The following FAR2 variants were observed in gnomAD, a reference collection of about 807,000 sequenced individuals.
FAR2 encodes epididymis secretory protein Li 81.
In FAR2, 19 loss-of-function variants were observed where a neutral mutation model predicts 56.0. The observed-to-expected ratio is 0.34, with a 90% CI of 0.24 to 0.50. The LOEUF is 0.50. FAR2 is among the 20% of genes least tolerant of loss of function. The pLI, the probability that FAR2 is intolerant of heterozygous loss-of-function variation, is 0.98. For missense variants in FAR2, 508 were observed against 642.2 expected (o/e 0.79, Z 2.26); for synonymous variants, 219 against 218.8 (o/e 1.00, Z -0.01).
At chr12:29,166,026 G>A (rs972380564) in intron 1 of FAR2, among the ~76,000 whole-genome samples, 9 of 152,188 alleles carry the variant, frequency 5.9e-5, no homozygotes, top group Admixed American at 1.3e-4. Flanking sequence ...CACTAACAGC[G>A]GCCTTAGCCA....
chr12:29,302,401 A>C (rs549938276), intron 4 of FAR2, among the ~76,000 whole-genome samples: 120 of 152,216 alleles, frequency 7.9e-4, no homozygotes, highest in African/African-American at 2.7e-3. Flanking sequence ...ATATGAGAAG[A>C]CTTGGAAGAG....
At position 29,253,274 on chromosome 12, in the gene FAR2, T is replaced by TATATCA. The variant is rs767977371; in HGVS notation, c.-38-17133_-38-17132insAATATC. ...CGATATCTATCTAGATAGATATCTA[T>TATATCA]ATATCGATATCTATATCTATCTAGA... is the stretch of plus-strand genomic sequence containing the variant. On this transcript the variant is annotated intron_variant, in intron 1 of 11. Coordinates refer to ENST00000536681, the MANE Select transcript of FAR2 (RefSeq NM_001271783.2). Among the ~76,000 whole-genome samples, 2 of 16,972 alleles carry TATATCA rather than the reference T, an allele frequency of 1.2e-4. 1 individual carries two copies. Among genetic ancestry groups the TATATCA allele is most frequent in the Non-Finnish European group, 3.0e-4 (2 of 6,664 alleles). The allele number at this position is 16,972 out of a possible 152,430, so 11.1% of individuals were successfully genotyped here. A position where few individuals can be genotyped will look rare whatever the true frequency, so the allele number is the denominator to read the frequency against.
intron 9 of FAR2, among the ~76,000 whole-genome samples, chr12:29,319,706 A>T (rs1234151402): frequency 6.6e-6 from 1 of 152,218 alleles, no homozygotes; most frequent in Non-Finnish European, 1.5e-5. Context: ...TTTAGCCATT[A>T]GAGCCCTAAA....
chr12:29,244,341 A>C (rs935428467), intron 1 of FAR2, among the ~76,000 whole-genome samples: 6 of 152,318 alleles, frequency 3.9e-5, no homozygotes, highest in South Asian at 2.1e-4. Context: ...GTAGCTTCTT[A>C]TTAGTGTCAG....
chr12:29,289,120 A>C (rs1948920261), intron 2 of FAR2, among the ~76,000 whole-genome samples: 1 of 152,202 alleles, frequency 6.6e-6, no homozygotes, highest in Non-Finnish European at 1.5e-5. Flanking sequence ...TACCATCCAA[A>C]GCAGTGTACA....
At chr12:29,290,853 G>T (rs1948953216) in intron 2 of FAR2, among the ~76,000 whole-genome samples, 1 of 152,172 alleles carries the variant, frequency 6.6e-6, no homozygotes, top group Non-Finnish European at 1.5e-5. Context: ...CCAGAGGCTG[G>T]GAAGGCAAGT....
At chr12:29,284,384 G>A (rs1948836845) in intron 2 of FAR2, among the ~76,000 whole-genome samples, 1 of 152,116 alleles carries the variant, frequency 6.6e-6, no homozygotes, top group Admixed American at 6.5e-5. Flanking sequence ...TTTTAGAGAG[G>A]GACTATCTTG....
intron 8 of FAR2, among the ~76,000 whole-genome samples, chr12:29,315,298 G>A (rs1949427939): frequency 6.6e-6 from 1 of 152,128 alleles, no homozygotes; most frequent in African/African-American, 2.4e-5. Context: ...CAGCAAGGAG[G>A]CCAGTATGGC....
chr12:29,264,482 C>G (rs1434005574), intron 1 of FAR2, among the ~76,000 whole-genome samples: 1 of 151,842 alleles, frequency 6.6e-6, no homozygotes, highest in African/African-American at 2.4e-5. Context: ...AGTAATCAGA[C>G]AAGAGAAATA....
intron 2 of FAR2, among the ~76,000 whole-genome samples, chr12:29,274,545 T>C (rs1948674327): frequency 6.6e-6 from 1 of 152,120 alleles, no homozygotes; most frequent in South Asian, 2.1e-4. Flanking sequence ...TTATAATCCT[T>C]TGGGTATTGT....
At chr12:29,259,194 G>T (rs1948376587) in intron 1 of FAR2, among the ~76,000 whole-genome samples, 1 of 152,182 alleles carries the variant, frequency 6.6e-6, no homozygotes, top group African/African-American at 2.4e-5. Flanking sequence ...AGCAAAGCCT[G>T]GAGAAATTTT....
intron 4 of FAR2, among the ~76,000 whole-genome samples, chr12:29,305,772 G>C (rs931305690): frequency 6.6e-6 from 1 of 152,130 alleles, no homozygotes; most frequent in Admixed American, 6.5e-5. Context: ...GCAGAGGCAA[G>C]TCATCTATAG....
At chr12:29,217,019 A>C (rs556469515) in intron 1 of FAR2, among the ~76,000 whole-genome samples, 1 of 152,316 alleles carries the variant, frequency 6.6e-6, no homozygotes, top group South Asian at 2.1e-4. Flanking sequence ...CTAAAAGAAA[A>C]TGACACATTT....
intron 5 of FAR2, among the ~76,000 whole-genome samples, chr12:29,308,699 C>T (rs969947622): frequency 3.3e-4 from 19 of 56,772 alleles, no homozygotes; most frequent in Non-Finnish European, 6.1e-4. Flanking sequence ...GACACACACA[C>T]ACACACACAC....
At chr12:29,260,792 G>A (rs541622958) in intron 1 of FAR2, among the ~76,000 whole-genome samples, 1 of 152,320 alleles carries the variant, frequency 6.6e-6, no homozygotes, top group East Asian at 1.9e-4. Context: ...GACAGGCTCA[G>A]TTTGTTTGGG....
chr12:29,156,112 G>C (rs954812224), intron 1 of FAR2, among the ~76,000 whole-genome samples: 22 of 152,062 alleles, frequency 1.4e-4, no homozygotes, highest in African/African-American at 5.1e-4. Flanking sequence ...TGGGGAGGTG[G>C]GGGGAAGTTA....
intron 8 of FAR2, among the ~76,000 whole-genome samples, chr12:29,313,446 G>A (rs1949386603): frequency 6.6e-6 from 1 of 152,068 alleles, no homozygotes; most frequent in Admixed American, 6.5e-5. Context: ...GTTTAATTCA[G>A]TTTGCTAATA....
chr12:29,185,642 A>G (rs1328693033), intron 1 of FAR2, among the ~76,000 whole-genome samples: 1 of 152,240 alleles, frequency 6.6e-6, no homozygotes, highest in Non-Finnish European at 1.5e-5. Context: ...AATCATAAAA[A>G]TTCAGCAGTG....
At chr12:29,316,309 A>C (rs1419465197) in intron 8 of FAR2, among the ~76,000 whole-genome samples, 1 of 152,260 alleles carries the variant, frequency 6.6e-6, no homozygotes, top group Non-Finnish European at 1.5e-5. Context: ...TGGATACCAG[A>C]GTGGACAATT....
Sources: gnomAD v4.1 joint callset for allele counts (sites outside exome capture counted in the v4.1 genomes callset) on GRCh38, gnomAD v4.1.1 for gene constraint, MANE v1.5 for transcripts, NCBI Gene and HGNC (gene_info 2026-07-23, HGNC 2026-07-21) for gene names.